Variants in RAD51D observed in about 807,000 individuals in gnomAD.
RAD51D encodes DNA repair protein RAD51 homolog 4.
A neutral mutation model predicts 44.1 loss-of-function variants in RAD51D; 38 were observed. The ratio of observed to expected loss-of-function variants is 0.86; its 90% CI spans 0.67 to 1.13. The LOEUF (loss-of-function observed/expected upper bound fraction) is 1.13, where lower values mean the gene tolerates loss of function less well. RAD51D is among the 50% of genes most tolerant of loss of function. The pLI is 0.00. For synonymous variants in RAD51D, 141 were observed against 166.6 expected (o/e 0.85, Z 1.18); for missense variants, 390 against 414.0 (o/e 0.94, Z 0.50).
At chr17:35,105,993 G>C in intron 6 of RAD51D, 1 of 414,712 alleles carries the variant, frequency 2.4e-6, no homozygotes, top group South Asian at 1.8e-5. Context: ...AAGAAAATCA[G>C]ACACACAAAT....
In RAD51D at chr17:35,103,647, C is replaced by A; in HGVS notation, c.577-103G>T. The A allele has an allele frequency of 1.2e-6, 1 of 835,592 alleles. No individual in the cohort carries two copies. The highest frequency in any genetic ancestry group is 2.0e-6 in the Non-Finnish European group (1 of 499,526). 51.8% of individuals were successfully genotyped at this position (835,592 alleles called of 1,614,324 possible). ...TAAAACTAGTAAGAAATAGCCCCCCCATCCCAAATACAGCAAGCTGCACGG... is the reference window on the plus strand; with the variant it reads ...TAAAACTAGTAAGAAATAGCCCCCCAATCCCAAATACAGCAAGCTGCACGG... On this transcript the variant is annotated intron_variant, in intron 6 of 9. Transcript: ENST00000345365. The surrounding 1 kb of genome is among the most constrained non-coding windows in gnomAD (Gnocchi z 4.1).
At position 35,092,544 on chromosome 17, in the gene RAD51D, G is replaced by C. The variant is rs888046186; in HGVS notation, c.*8409C>G. 1 of 152,150 alleles carries C rather than the reference G, an allele frequency of 6.6e-6. No homozygotes were observed. Among genetic ancestry groups the C allele is most frequent in the Non-Finnish European group, 1.5e-5 (1 of 68,028 alleles). 9.4% of individuals were successfully genotyped at this position (152,150 alleles called of 1,614,324 possible). On this transcript the variant is annotated 3_prime_UTR_variant, in exon 10 of 10. Transcript: ENST00000345365. Reference sequence around the variant, plus strand: ...TTCCCCTGCAACATACACTTTACCAGTAGGACAGAGACATTACCTTGTCCA... The same window carrying C: ...TTCCCCTGCAACATACACTTTACCACTAGGACAGAGACATTACCTTGTCCA...
At chr17:35,109,235 T>A (rs1291630599) in intron 3 of RAD51D, among the ~76,000 whole-genome samples, 1 of 152,238 alleles carries the variant, frequency 6.6e-6, no homozygotes, top group Non-Finnish European at 1.5e-5. Flanking sequence ...ATATGGATAG[T>A]TCATTCCTTT....
At chr17:35,119,216 G>T (rs2091790717) in intron 1 of RAD51D, 44 bp from the exon 2 acceptor site, 2 of 1,552,892 alleles carry the variant, frequency 1.3e-6, no homozygotes, top group Non-Finnish European at 1.8e-6. Context: ...GAGGACTGGG[G>T]CCTCCCACAC....
chr17:35,097,622 G>A lies in RAD51D; in HGVS notation c.*3331C>T, dbSNP rs1018900540. On this transcript the variant is annotated 3_prime_UTR_variant, in exon 10 of 10. Transcript: ENST00000345365. ...CCCGCAGGGGAAATTGAAAGTTGAC[G>A]CTTTATGGAAGGAACCCCTGAGATA... 6.6e-6 allele frequency: 1 copy of A among 151,714 alleles called. No individual in the cohort carries two copies. The highest frequency in any genetic ancestry group is 2.4e-5 in the African/African-American group (1 of 41,278). 9.4% of individuals were successfully genotyped at this position (151,714 alleles called of 1,614,324 possible).
At chr17:35,102,653 A>G (rs2091503460) in intron 8 of RAD51D, among the ~76,000 whole-genome samples, 1 of 152,012 alleles carries the variant, frequency 6.6e-6, no homozygotes, top group Non-Finnish European at 1.5e-5. Flanking sequence ...AGAAAGAAAG[A>G]AAGTTGGCTA....
intron 4 of RAD51D, 52 bp downstream of exon 4, chr17:35,107,314 G>A (rs2091618939): frequency 3.3e-6 from 5 of 1,499,446 alleles, no homozygotes; most frequent in Non-Finnish European, 4.6e-6. Context: ...CCTGGGCTAT[G>A]CATCTACCAC....
rs951257225 is a variant in RAD51D, at chr17:35,098,863, A to C, written c.*2090T>G. On this transcript the variant is annotated 3_prime_UTR_variant, in exon 10 of 10. Coordinates refer to ENST00000345365, the MANE Select transcript of RAD51D (RefSeq NM_002878.4). Reference sequence around the variant, plus strand: ...GGCCAGATGATTTTTTTTTTCCTTGAGACAGGGTCTTGCTCTGTTACCCAG... The same window carrying C: ...GGCCAGATGATTTTTTTTTTCCTTGCGACAGGGTCTTGCTCTGTTACCCAG... 1 of 151,198 alleles carries C rather than the reference A, an allele frequency of 6.6e-6. No individual in the cohort carries two copies. The highest frequency in any genetic ancestry group is 1.5e-5 in the Non-Finnish European group (1 of 67,868). 9.4% of individuals were successfully genotyped at this position (151,198 alleles called of 1,614,324 possible). A position where few individuals can be genotyped will look rare whatever the true frequency, so the allele number is the denominator to read the frequency against.
At chr17:35,108,138 A>G (rs1055025204) in intron 3 of RAD51D, among the ~76,000 whole-genome samples, 3 of 150,746 alleles carry the variant, frequency 2.0e-5, no homozygotes, top group African/African-American at 7.3e-5. Context: ...CTAGCTACTC[A>G]GGAGGCTGAG....
chr17:35,092,975 A>G lies in RAD51D; in HGVS notation c.*7978T>C, dbSNP rs1226065131. On this transcript the variant is annotated 3_prime_UTR_variant, in exon 10 of 10. Transcript: ENST00000345365. ...AATATGGGATGCTTGTTTAAAAATT[A>G]AGAACTTCAAGATGGCAACAGCAGA... 1 of 152,256 alleles carries G rather than the reference A, an allele frequency of 6.6e-6. No homozygotes were observed. The highest frequency in any genetic ancestry group is 1.5e-5 in the Non-Finnish European group (1 of 68,074). The allele number at this position is 152,256 out of a possible 1,614,324, so 9.4% of individuals were successfully genotyped here.
chr17:35,117,366 T>A (rs1466432199), intron 3 of RAD51D, among the ~76,000 whole-genome samples: 2 of 152,186 alleles, frequency 1.3e-5, no homozygotes, highest in Non-Finnish European at 2.9e-5. Context: ...CAAAGACCTT[T>A]ATGGTGGCAG....
rs1269964530 is a variant in RAD51D, at chr17:35,092,777, G to C, written c.*8176C>G. Reference sequence around the variant, plus strand: ...GGTTACTGAGAATGGAACAGTTAGAGATAAACATACACAGGGTGCTAACCC... The same window carrying C: ...GGTTACTGAGAATGGAACAGTTAGACATAAACATACACAGGGTGCTAACCC... On this transcript the variant is annotated 3_prime_UTR_variant, in exon 10 of 10. Transcript: ENST00000345365. 1 of 152,040 alleles carries C rather than the reference G, an allele frequency of 6.6e-6. No individual in the cohort carries two copies. The highest frequency in any genetic ancestry group is 2.4e-5 in the African/African-American group (1 of 41,372). The allele number at this position is 152,040 out of a possible 1,614,324, so 9.4% of individuals were successfully genotyped here.
At chr17:35,106,290 TC>T in intron 6 of RAD51D, 95 bp downstream of exon 6, 2 of 1,024,964 alleles carry the variant, frequency 2.0e-6, no homozygotes, top group Non-Finnish European at 3.1e-6. Context: ...AGATTGCACA[TC>T]TGCATTTCCA....
intron 9 of RAD51D, 38 bp from the exon 10 acceptor site, chr17:35,101,074 C>T (rs2142409757): frequency 6.2e-7 from 1 of 1,605,378 alleles, no homozygotes; most frequent in South Asian, 1.1e-5. Flanking sequence ...AGTTAAGCAA[C>T]CCAAGTGGGT....
chr17:35,111,303 G>A (rs936822381), intron 3 of RAD51D, among the ~76,000 whole-genome samples: 8 of 149,398 alleles, frequency 5.4e-5, no homozygotes, highest in Non-Finnish European at 1.0e-4. Flanking sequence ...GCGGTGAGCC[G>A]AGATCACGCC....
At position 35,093,660 on chromosome 17, in the gene RAD51D, G is replaced by A. The variant is rs2142398264; in HGVS notation, c.*7293C>T. 1 of 152,268 alleles carries A rather than the reference G, an allele frequency of 6.6e-6. No individual in the cohort carries two copies. The highest frequency in any genetic ancestry group is 2.1e-4 in the South Asian group (1 of 4,818). The allele number at this position is 152,268 out of a possible 1,614,324, so 9.4% of individuals were successfully genotyped here. A position where few individuals can be genotyped will look rare whatever the true frequency, so the allele number is the denominator to read the frequency against. On this transcript the variant is annotated 3_prime_UTR_variant, in exon 10 of 10. Coordinates refer to ENST00000345365, the MANE Select transcript of RAD51D (RefSeq NM_002878.4). ...CGTGGAACCTAAGGCATCTAACTCA[G>A]TAAAATATTGTAAATAGTCCACTAA...
chr17:35,113,794 A>G (rs2091705278), intron 3 of RAD51D, among the ~76,000 whole-genome samples: 1 of 152,208 alleles, frequency 6.6e-6, no homozygotes, highest in African/African-American at 2.4e-5. Context: ...GCAACCTTTA[A>G]GGACTAGCTA....
chr17:35,119,668 C>CG lies in RAD51D; in HGVS notation c.-56dup, dbSNP rs776109833. On this transcript the variant is annotated 5_prime_UTR_variant, in exon 1 of 10. It removes the in-frame stop codon of an upstream open reading frame in the 5' UTR. Transcript: ENST00000345365. ...GGACTGCACGTCACGTGGGCATTCG[C>CG]GGGGGGTCCTCTCCAGACGCCCCTC... is the stretch of plus-strand genomic sequence containing the variant. 84 of 1,580,402 alleles carry CG rather than the reference C, an allele frequency of 5.3e-5. 1 individual carries two copies. In the East Asian group the frequency reaches 1.4e-3, roughly 26 times the overall value.
At chr17:35,111,533 T>A (rs2091676643) in intron 3 of RAD51D, among the ~76,000 whole-genome samples, 1 of 151,740 alleles carries the variant, frequency 6.6e-6, no homozygotes, top group Non-Finnish European at 1.5e-5. Flanking sequence ...AGCAGTACCC[T>A]CCATCCTGGG....
Sources: gnomAD v4.1 joint callset for allele counts (sites outside exome capture counted in the v4.1 genomes callset) on GRCh38, gnomAD v4.1.1 for gene constraint, Gnocchi (gnomAD v3.1) non-coding constraint, MANE v1.5 for transcripts, NCBI Gene and HGNC (gene_info 2026-07-23, HGNC 2026-07-21) for gene names.